Variants in SNX31 observed in about 807,000 individuals in gnomAD.
SNX31 encodes the protein sorting nexin-31.
A neutral mutation model predicts 65.4 loss-of-function variants in SNX31; 58 were observed. The ratio of observed to expected loss-of-function variants is 0.89; its 90% CI spans 0.72 to 1.10. The LOEUF (loss-of-function observed/expected upper bound fraction) is 1.10. Among genes scored for constraint, SNX31 ranks in the 50% least tolerant of loss-of-function variants. The probability of loss-of-function intolerance (pLI) is 0.00; values close to 1 mark genes in which losing one functional copy is unlikely to be tolerated. For synonymous variants in SNX31, 181 were observed against 190.1 expected, an observed-to-expected ratio of 0.95 and a Z score of 0.39; for missense variants, 523 against 529.7, an observed-to-expected ratio of 0.99 and a Z score of 0.12.
chr8:100,652,745 T>C (rs2131311268), upstream of SNX31, among the ~76,000 whole-genome samples: 1 of 152,162 alleles, frequency 6.6e-6, no homozygotes, highest in Admixed American at 6.6e-5. Context: ...ACTTTCCACG[T>C]CTCCTGAGTC....
At chr8:100,573,995 G>A in intron 13 of SNX31, 35 bp from the exon 14 acceptor site, 1 of 1,235,870 alleles carries the variant, frequency 8.1e-7, no homozygotes. Context: ...AAATGTAAAT[G>A]AAAGGAAATC....
chr8:100,631,742 T>G (rs1302128387), intron 3 of SNX31, among the ~76,000 whole-genome samples: 1 of 152,176 alleles, frequency 6.6e-6, no homozygotes, highest in Non-Finnish European at 1.5e-5. Context: ...TGAGAAACTA[T>G]TTATAAAAAG....
intron 3 of SNX31, among the ~76,000 whole-genome samples, chr8:100,634,800 A>G (rs1465138552): frequency 6.6e-6 from 1 of 151,608 alleles, no homozygotes; most frequent in Admixed American, 6.6e-5. Context: ...TCATATCTAT[A>G]ATCCCAGCAC....
intron 7 of SNX31, among the ~76,000 whole-genome samples, chr8:100,608,820 C>T (rs905979510): frequency 2.0e-5 from 3 of 152,228 alleles, no homozygotes; most frequent in African/African-American, 7.2e-5. Flanking sequence ...GAATGGTCTG[C>T]ATCCCTGTTC....
chr8:100,642,810 G>C (rs62513896), intron 2 of SNX31, among the ~76,000 whole-genome samples: 1 of 152,184 alleles, frequency 6.6e-6, no homozygotes, highest in South Asian at 2.1e-4. Context: ...AAACATATCT[G>C]TTCTGCTCTT....
intron 8 of SNX31, among the ~76,000 whole-genome samples, chr8:100,602,467 C>T (rs1397999233): frequency 6.6e-6 from 1 of 152,208 alleles, no homozygotes; most frequent in African/African-American, 2.4e-5. Context: ...ATGCCTGGTA[C>T]TGTCATGGAT....
intron 4 of SNX31, among the ~76,000 whole-genome samples, chr8:100,621,377 TTA>T (rs1389079709): frequency 4.6e-5 from 7 of 152,246 alleles, no homozygotes; most frequent in African/African-American, 1.7e-4. Context: ...CTACCATGTG[TTA>T]AGCTGCCTCT....
chr8:100,641,583 TATATATATATATACAC>T (rs1819211305), intron 2 of SNX31, among the ~76,000 whole-genome samples: 4 of 24,676 alleles, frequency 1.6e-4, no homozygotes, highest in East Asian at 1.1e-3. Context: ...TATATATATA[TATATATATATATACAC>T]ATACACACAC....
Position 100,574,630 on chromosome 8 carries a change from T to G in SNX31, c.1228-670A>C, listed in dbSNP as rs1190771973. On this transcript the variant is annotated intron_variant, in intron 13 of 13. Transcript: ENST00000311812. ...CCTGGCAACAGAGTGAGACTCCGTC[T>G]AAAAAAAAAAAAAAAAAGAAGAGGC... Among the ~76,000 whole-genome samples the G allele has an allele frequency of 4.5e-5, 6 of 132,074 alleles. No individual in the cohort carries two copies. The Admixed American group carries it at 4.6e-4, about 10-fold the overall frequency. The allele number at this position is 132,074 out of a possible 152,430, so 86.6% of individuals were successfully genotyped here. A position where few individuals can be genotyped will look rare whatever the true frequency, so the allele number is the denominator to read the frequency against.
At position 100,577,069 on chromosome 8, in the gene SNX31, C is replaced by T. The variant is rs373325686; in HGVS notation, c.1177G>A (p.Glu393Lys). Residue 393 changes from glutamate to lysine, a missense_variant, in exon 13 of 14, where the codon GAA becomes AAA. Coordinates refer to ENST00000311812, the MANE Select transcript of SNX31 (RefSeq NM_152628.4). ...TTACTTTTGCTTTGTTCCGGAACTTCAATCTGCTAGATAGATTAGTGAAAT... is the reference window on the plus strand; with the variant it reads ...TTACTTTTGCTTTGTTCCGGAACTTTAATCTGCTAGATAGATTAGTGAAAT... ...LAAENTEMQI[E>K]VPEQSKSKKY... 8.8e-5 allele frequency: 142 copies of T among 1,613,524 alleles called. No individual in the cohort carries two copies. Among genetic ancestry groups the T allele is most frequent in the Non-Finnish European group, 1.2e-4 (139 of 1,179,860 alleles).
intron 9 of SNX31, 148 bp downstream of exon 9, chr8:100,600,201 G>C (rs1815488783): frequency 1.5e-6 from 1 of 654,210 alleles, no homozygotes; most frequent in Admixed American, 3.0e-5. Context: ...TCTGTACTCA[G>C]AACAATCAAT....
At chr8:100,608,669 C>T (rs1272873763) in intron 7 of SNX31, 106 bp from the exon 8 acceptor site, 1 of 990,054 alleles carries the variant, frequency 1.0e-6, no homozygotes, top group Non-Finnish European at 1.6e-6. Context: ...ACCAGGGCCC[C>T]CTTTTCCAAC....
At chr8:100,593,559 T>A (rs946018961) in intron 10 of SNX31, among the ~76,000 whole-genome samples, 3 of 152,128 alleles carry the variant, frequency 2.0e-5, no homozygotes, top group African/African-American at 7.2e-5. Context: ...ACTCAAGGGA[T>A]TCTCCTGCCT....
In SNX31 at chr8:100,596,703, T is replaced by C. The variant is rs750426949; in HGVS notation, c.914A>G (p.Asp305Gly). Residue 305 changes from aspartate to glycine, a missense_variant, in exon 10 of 14, where the codon GAC becomes GGC. Coordinates refer to ENST00000311812, the MANE Select transcript of SNX31 (RefSeq NM_152628.4). ...GAAAACGATGTCCTGGGTCTGGCTG[T>C]CAGGCAGGGTGATGCAGCAGCTGAT... ...NEISCCITLPDSQTQDIVFQM... is the reference protein window; with the variant it reads ...NEISCCITLPGSQTQDIVFQM... The C allele has an allele frequency of 7.4e-6, 12 of 1,614,158 alleles. No homozygotes were observed. Among genetic ancestry groups the C allele is most frequent in the Non-Finnish European group, 1.0e-5 (12 of 1,180,032 alleles).
chr8:100,632,612 T>C (rs1008999893), intron 3 of SNX31, among the ~76,000 whole-genome samples: 8 of 152,208 alleles, frequency 5.3e-5, no homozygotes, highest in Non-Finnish European at 7.4e-5. Context: ...AGTATAATAG[T>C]TGGCGATGTT....
At chr8:100,600,640 C>T (rs1304274822) in intron 8 of SNX31, among the ~76,000 whole-genome samples, 199 bp from the exon 9 acceptor site, 1 of 149,772 alleles carries the variant, frequency 6.7e-6, no homozygotes, top group African/African-American at 2.5e-5. Context: ...CAACACTTGG[C>T]AAAAAAGAAA....
At position 100,660,914 on chromosome 8, in the gene SNX31, T is replaced by C. The variant is rs1285266913; in HGVS notation, c.-58+2228A>G. On this transcript the variant is annotated intron_variant, in intron 1 of 5. Coordinates refer to the SNX31 transcript ENST00000520352. The surrounding 1 kb of genome is among the most constrained non-coding windows in gnomAD (Gnocchi z 4.1). ...GTGCTAATGCAGCATGGATCATCCC[T>C]TTATATTTTCCTCATGCCATACAGT... Among the ~76,000 whole-genome samples the C allele has an allele frequency of 6.6e-6, 1 of 152,186 alleles. No individual in the cohort carries two copies. Among genetic ancestry groups the C allele is most frequent in the East Asian group, 1.9e-4 (1 of 5,202 alleles).
chr8:100,617,782 G>A (rs758922321), intron 4 of SNX31, 52 bp from the exon 5 acceptor site: 2 of 1,105,576 alleles, frequency 1.8e-6, no homozygotes, highest in Non-Finnish European at 1.3e-6. Flanking sequence ...TTTTTTTTTT[G>A]GAGGCGGAGT....
chr8:100,585,107 A>G (rs1030788430), intron 11 of SNX31, among the ~76,000 whole-genome samples: 1 of 152,178 alleles, frequency 6.6e-6, no homozygotes, highest in African/African-American at 2.4e-5. Context: ...CTAAATCATC[A>G]TTAGTGCCAA....
Sources: gnomAD v4.1 joint callset for allele counts (sites outside exome capture counted in the v4.1 genomes callset) on GRCh38, gnomAD v4.1.1 for gene constraint, Gnocchi (gnomAD v3.1) non-coding constraint, MANE v1.5 for transcripts, NCBI Gene and HGNC (gene_info 2026-07-23, HGNC 2026-07-21) for gene names.